Variants in SMAP1 observed in about 807,000 individuals in gnomAD.
SMAP1 encodes the protein stromal membrane-associated protein 1.
SMAP1 carries 24 observed loss-of-function variants against 58.5 expected under a neutral mutation model. That is an observed-to-expected ratio of 0.41 (90% CI 0.30 to 0.58). The LOEUF (loss-of-function observed/expected upper bound fraction) is 0.58. SMAP1 is among the 20% of genes least tolerant of loss of function. The probability of loss-of-function intolerance (pLI) is 0.29; values close to 1 mark genes in which losing one functional copy is unlikely to be tolerated. For missense variants in SMAP1, 563 were observed against 566.3 expected, an observed-to-expected ratio of 0.99 and a Z score of 0.06; for synonymous variants, 216 against 196.6, an observed-to-expected ratio of 1.10 and a Z score of -0.82.
At chr6:70,703,085 CTT>C (rs958655472) in intron 1 of SMAP1, among the ~76,000 whole-genome samples, 1 of 148,100 alleles carries the variant, frequency 6.8e-6, no homozygotes, top group African/African-American at 2.5e-5. Context: ...TTTTTCACGA[CTT>C]TTTTTTTTGA....
intron 4 of SMAP1, among the ~76,000 whole-genome samples, chr6:70,777,754 T>G (rs1767604279): frequency 6.6e-6 from 1 of 151,858 alleles, no homozygotes; most frequent in Admixed American, 6.6e-5. Context: ...TCTTCATTAT[T>G]AAGTTTTTTT....
intron 6 of SMAP1, among the ~76,000 whole-genome samples, chr6:70,831,603 C>T (rs1770361638): frequency 6.6e-6 from 1 of 152,136 alleles, no homozygotes; most frequent in African/African-American, 2.4e-5. Context: ...TGATCTCCTT[C>T]TTTTTTATGG....
At chr6:70,775,630 TTAA>T (rs1582161424) in intron 4 of SMAP1, among the ~76,000 whole-genome samples, 1 of 152,332 alleles carries the variant, frequency 6.6e-6, no homozygotes, top group East Asian at 1.9e-4. Context: ...TTGACTAATA[TTAA>T]TGATGTTTAT....
At chr6:70,775,448 A>G (rs1480768590) in intron 4 of SMAP1, among the ~76,000 whole-genome samples, 1 of 152,134 alleles carries the variant, frequency 6.6e-6, no homozygotes, top group Non-Finnish European at 1.5e-5. Context: ...TCAAGGTGTA[A>G]TAATGGTATG....
At chr6:70,833,215 A>C (rs1770434535) in intron 6 of SMAP1, among the ~76,000 whole-genome samples, 1 of 152,208 alleles carries the variant, frequency 6.6e-6, no homozygotes, top group South Asian at 2.1e-4. Flanking sequence ...TAAAAATAAA[A>C]ATAGTGAGGT....
chr6:70,770,600 G>C (rs1409584257), intron 3 of SMAP1, among the ~76,000 whole-genome samples: 3 of 152,086 alleles, frequency 2.0e-5, no homozygotes, highest in Non-Finnish European at 4.4e-5. Context: ...TCAGCTCCAT[G>C]AACTCCTTTA....
intron 7 of SMAP1, among the ~76,000 whole-genome samples, chr6:70,848,277 G>A (rs1432349401): frequency 6.6e-6 from 1 of 152,136 alleles, no homozygotes; most frequent in Non-Finnish European, 1.5e-5. Flanking sequence ...CCTAAAAACT[G>A]AAAAGATACT....
At chr6:70,718,358 AAGAG>A (rs1486783571) in intron 1 of SMAP1, among the ~76,000 whole-genome samples, 2 of 152,294 alleles carry the variant, frequency 1.3e-5, no homozygotes, top group Admixed American at 6.5e-5. Flanking sequence ...TAATGAAAGA[AAGAG>A]AGGAGCAAGA....
intron 1 of SMAP1, among the ~76,000 whole-genome samples, chr6:70,712,476 C>T (rs1029806173): frequency 6.6e-6 from 1 of 152,176 alleles, no homozygotes; most frequent in African/African-American, 2.4e-5. Context: ...GAAATACTCC[C>T]TCTACTTATT....
At chr6:70,770,923 T>G (rs1488877387) in intron 3 of SMAP1, among the ~76,000 whole-genome samples, 2 of 152,154 alleles carry the variant, frequency 1.3e-5, no homozygotes, top group South Asian at 2.1e-4. Flanking sequence ...ACAGATGGGT[T>G]TTTGGTGTGG....
chr6:70,730,261 A>G (rs985946391), intron 1 of SMAP1, among the ~76,000 whole-genome samples: 1 of 151,738 alleles, frequency 6.6e-6, no homozygotes. Context: ...TCACTATGTT[A>G]CCCAGGCTGG....
At chr6:70,686,787 T>C (rs903476116) in intron 1 of SMAP1, among the ~76,000 whole-genome samples, 1 of 152,318 alleles carries the variant, frequency 6.6e-6, no homozygotes, top group Non-Finnish European at 1.5e-5. Context: ...AGTAATTTCT[T>C]TGAATGTAAT....
At chr6:70,815,748 C>A (rs1364105473) in intron 6 of SMAP1, among the ~76,000 whole-genome samples, 1 of 152,032 alleles carries the variant, frequency 6.6e-6, no homozygotes, top group Non-Finnish European at 1.5e-5. Flanking sequence ...TCCCCATACA[C>A]TCAAGGTGTT....
intron 2 of SMAP1, among the ~76,000 whole-genome samples, chr6:70,751,075 A>G (rs1347993935): frequency 1.3e-5 from 2 of 152,048 alleles, no homozygotes; most frequent in African/African-American, 2.4e-5. Flanking sequence ...CCTCGTCTCT[A>G]CTAAGAATAT....
At chr6:70,769,273 G>A (rs1344735940) in intron 3 of SMAP1, among the ~76,000 whole-genome samples, 1 of 152,138 alleles carries the variant, frequency 6.6e-6, no homozygotes, top group Non-Finnish European at 1.5e-5. Flanking sequence ...AAGTCCGCTT[G>A]GTGCAGAGCT....
At chr6:70,728,474 TG>T (rs1365929663) in intron 1 of SMAP1, among the ~76,000 whole-genome samples, 1 of 152,214 alleles carries the variant, frequency 6.6e-6, no homozygotes, top group Admixed American at 6.5e-5. Flanking sequence ...GTAGATCAGT[TG>T]TTCAGGAATC....
chr6:70,834,709 A>C (rs529863085), intron 6 of SMAP1, among the ~76,000 whole-genome samples: 12 of 152,332 alleles, frequency 7.9e-5, no homozygotes, highest in Non-Finnish European at 1.6e-4. Context: ...CACGATTCTC[A>C]GATTCCCTTG....
At chr6:70,858,446 TAAAA>T (rs1310352382) in intron 10 of SMAP1, 3 of 427,322 alleles carry the variant, frequency 7.0e-6, no homozygotes, top group Non-Finnish European at 1.2e-5. Context: ...GAGTATTCTG[TAAAA>T]AAAAGGTTAA....
chr6:70,738,469 A>C (rs1304040007), intron 2 of SMAP1, among the ~76,000 whole-genome samples: 4 of 152,032 alleles, frequency 2.6e-5, no homozygotes, highest in African/African-American at 4.8e-5. Flanking sequence ...AAAAAAAAAA[A>C]AAACCAGTGG....
Sources: allele counts gnomAD v4.1 joint callset (sites outside exome capture counted in the v4.1 genomes callset), GRCh38; gene constraint gnomAD v4.1.1; transcripts MANE v1.5; gene names NCBI Gene and HGNC (gene_info 2026-07-23, HGNC 2026-07-21).